The following ZNF732 variants were observed in gnomAD, a reference collection of about 807,000 sequenced individuals.
The protein encoded by ZNF732 is zinc finger protein 732, also known as zinc finger protein LOC654254.
ZNF732 carries 12 observed loss-of-function variants against 11.5 expected under a neutral mutation model. The ratio of observed to expected loss-of-function variants is 1.05; its 90% confidence interval spans 0.67 to 1.70. The LOEUF (loss-of-function observed/expected upper bound fraction) is 1.70, where lower values mean the gene tolerates loss of function less well. Ranked by LOEUF, ZNF732 falls within the 40% of genes most tolerant of loss-of-function variation. ZNF732 has a pLI of 0.00. For missense variants in ZNF732, 702 were observed against 676.9 expected (o/e 1.04, Z -0.41); for synonymous variants, 231 against 236.5 (o/e 0.98, Z 0.21).
At chr4:282,199 G>A (rs1581536778) in intron 3 of ZNF732, among the ~76,000 whole-genome samples, 1 of 152,206 alleles carries the variant, frequency 6.6e-6, no homozygotes, top group East Asian at 1.9e-4. Flanking sequence ...TTTGTTAATG[G>A]TATATAATAT....
chr4:299,490 T>A (rs544615084), intron 1 of ZNF732, among the ~76,000 whole-genome samples: 1 of 104,400 alleles, frequency 9.6e-6, no homozygotes, highest in Non-Finnish European at 1.9e-5. Flanking sequence ...TATACACATA[T>A]GTGTGTATAT....
chr4:295,349 G>T, intron 3 of ZNF732, 89 bp downstream of exon 3: 1 of 1,061,278 alleles, frequency 9.4e-7, no homozygotes, highest in Non-Finnish European at 1.3e-6. Context: ...CACTGGAGCA[G>T]AGCTTCCCAA....
chr4:279,017 T>A (rs1719561317), intron 3 of ZNF732, among the ~76,000 whole-genome samples: 1 of 152,200 alleles, frequency 6.6e-6, no homozygotes, highest in Non-Finnish European at 1.5e-5. Flanking sequence ...GGGATAAAGG[T>A]TGTTTACCCT....
intron 3 of ZNF732, 97 bp from the exon 4 acceptor site, chr4:272,727 A>C: frequency 8.5e-7 from 1 of 1,173,526 alleles, no homozygotes; most frequent in South Asian, 2.2e-5. Flanking sequence ...CATTAGTAAG[A>C]TGGCATAACA....
rs782415166 is a variant in ZNF732 at position 271,099 on chromosome 4, CTA to C, written c.1756_1757del (p.Ter586GlufsTer3). 13 of 1,495,710 alleles carry C rather than the reference CTA, an allele frequency of 8.7e-6. No individual in the cohort carries two copies. Among genetic ancestry groups the C allele is most frequent in the East Asian group, 4.9e-5 (2 of 41,174 alleles). The allele number at this position is 1,495,710 out of a possible 1,614,324, so 92.7% of individuals were successfully genotyped here. On this transcript the variant is annotated frameshift_variant and stop_lost, in exon 4 of 4. Coordinates refer to ENST00000419098, the MANE Select transcript of ZNF732 (RefSeq NM_001137608.3). LOFTEE classifies it high-confidence loss of function. The part of the protein sequence containing the change: ...HNKIYTGEKL[*>X] The stretch of plus-strand genomic sequence containing the variant: ...AGGCTTTGCCACATTCTTCATATTT[CTA>C]GAGTTTCTCTCCAGTATAAATTTTA...
At chr4:284,745 C>G (rs1719693677) in intron 3 of ZNF732, among the ~76,000 whole-genome samples, 1 of 151,356 alleles carries the variant, frequency 6.6e-6, no homozygotes, top group Non-Finnish European at 1.5e-5. Flanking sequence ...GTGGCGGGCA[C>G]TTGTAAACCC....
At position 305,438 on chromosome 4, in the gene ZNF732, T is replaced by C. The variant is rs192089946; in HGVS notation, c.-128A>G. ...TCCCTGAGGGGTGAAAGCACGGCCG[T>C]GGAGACCCTAACCGAGCTCACGCTG... On this transcript the variant is annotated 5_prime_UTR_variant, in exon 1 of 4. Transcript: ENST00000419098. 4.7e-4 allele frequency: 639 copies of C among 1,358,990 alleles called. 5 individuals are homozygous for C. In the African/African-American group the frequency reaches 8.3e-3, roughly 18 times the overall value. The allele number at this position is 1,358,990 out of a possible 1,614,324, so 84.2% of individuals were successfully genotyped here. A position where few individuals can be genotyped will look rare whatever the true frequency, so the allele number is the denominator to read the frequency against.
chr4:295,624 A>G, intron 2 of ZNF732, 91 bp from the exon 3 acceptor site: 1 of 1,112,150 alleles, frequency 9.0e-7, no homozygotes, highest in Non-Finnish European at 1.3e-6. Flanking sequence ...AAATTATGGA[A>G]GATCCTACAT....
At chr4:285,217 T>C (rs1164922144) in intron 3 of ZNF732, among the ~76,000 whole-genome samples, 1 of 152,000 alleles carries the variant, frequency 6.6e-6, no homozygotes, top group Non-Finnish European at 1.5e-5. Flanking sequence ...AAAGATGTTA[T>C]CAAGAACCCA....
At chr4:304,674 G>A (rs901052601) in intron 1 of ZNF732, among the ~76,000 whole-genome samples, 3 of 152,168 alleles carry the variant, frequency 2.0e-5, no homozygotes, top group South Asian at 2.1e-4. Context: ...CAATAATGTG[G>A]CAGAACTACT....
chr4:280,164 A>G (rs1327374358), intron 3 of ZNF732, among the ~76,000 whole-genome samples: 1 of 152,178 alleles, frequency 6.6e-6, no homozygotes, highest in Non-Finnish European at 1.5e-5. Flanking sequence ...ATTCTGACCT[A>G]TAAAATATAG....
At chr4:289,688 T>C (rs1431174060) in intron 3 of ZNF732, among the ~76,000 whole-genome samples, 1 of 152,214 alleles carries the variant, frequency 6.6e-6, no homozygotes, top group African/African-American at 2.4e-5. Context: ...TGTAGAAATT[T>C]CACTTTTAGA....
At position 272,675 on chromosome 4, in the gene ZNF732, G is replaced by T. The variant is rs142883220; in HGVS notation, c.227-45C>A. The T allele has an allele frequency of 2.6e-5, 37 of 1,411,376 alleles. 1 individual carries two copies. In the African/African-American group the frequency reaches 4.2e-4, roughly 16 times the overall value. The allele number at this position is 1,411,376 out of a possible 1,614,324, so 87.4% of individuals were successfully genotyped here. A position where few individuals can be genotyped will look rare whatever the true frequency, so the allele number is the denominator to read the frequency against. ...ATTATCCTGCTTACTAGATTCATAC[G>T]AATATACTTTAAAAATCTAATATAT... On this transcript the variant is annotated intron_variant, in intron 3 of 3. Transcript: ENST00000419098.
intron 3 of ZNF732, among the ~76,000 whole-genome samples, chr4:281,868 T>C (rs746582713): frequency 6.6e-6 from 1 of 151,952 alleles, no homozygotes; most frequent in Non-Finnish European, 1.5e-5. Context: ...AAAACACAGA[T>C]CTAAAAAATG....
Position 296,053 on chromosome 4 carries a change from T to C in ZNF732, c.106A>G (p.Asn36Asp). 1 of 1,613,748 alleles carries C rather than the reference T, an allele frequency of 6.2e-7. No homozygotes were observed. Among genetic ancestry groups the C allele is most frequent in the Non-Finnish European group, 8.5e-7 (1 of 1,179,844 alleles). ...QNLYRDVMLE[N>D]YRNLISLGVA... Reference sequence around the variant, plus strand: ...CCCAGGGAGATCAGGTTCCTGTAGTTCTCCAACATCACATCTCTATACAAA... The same window carrying C: ...CCCAGGGAGATCAGGTTCCTGTAGTCCTCCAACATCACATCTCTATACAAA... The change falls in exon 2 of 4, where the codon AAC becomes GAC. Residue 36 changes from asparagine to aspartate, a missense_variant. Physicochemically the swap from Asn to Asp is conservative, Grantham distance 23 (BLOSUM62 1). Coordinates refer to ENST00000419098, the MANE Select transcript of ZNF732 (RefSeq NM_001137608.3).
intron 3 of ZNF732, among the ~76,000 whole-genome samples, chr4:284,766 G>C (rs1167977251): frequency 4.6e-5 from 7 of 150,934 alleles, no homozygotes; most frequent in African/African-American, 1.7e-4. Context: ...AGCTACTCGG[G>C]AGGCTGAGGC....
At position 272,067 on chromosome 4, in the gene ZNF732, T is replaced by C. The variant is rs1553837754; in HGVS notation, c.790A>G (p.Thr264Ala). 6.2e-7 allele frequency: 1 copy of C among 1,611,008 alleles called. No homozygotes were observed. The highest frequency in any genetic ancestry group is 1.1e-5 in the South Asian group (1 of 90,800). ...ECGKAFNRSS[T>A]LTKHKRIHAE... ...TGAATTCTCTTATGCTTAGTAAGGGTTGAGGACCTATTAAAGGCTTTGCCA... is the reference window on the plus strand; with the variant it reads ...TGAATTCTCTTATGCTTAGTAAGGGCTGAGGACCTATTAAAGGCTTTGCCA... The change falls in exon 4 of 4, where the codon ACC becomes GCC. Residue 264 changes from threonine to alanine, a missense_variant. This residue lies in a region of ZNF732 where 596 missense variants were observed against 557.9 expected (regional missense o/e 1.07). Transcript: ENST00000419098.
At chr4:299,850 C>T (rs1416045359) in intron 1 of ZNF732, among the ~76,000 whole-genome samples, 1 of 147,208 alleles carries the variant, frequency 6.8e-6, no homozygotes, top group Non-Finnish European at 1.5e-5. Flanking sequence ...GCATGCGCCA[C>T]CATGCCGGCT....
At chr4:276,568 TCAA>T (rs1350958522) in intron 3 of ZNF732, among the ~76,000 whole-genome samples, 1 of 151,808 alleles carries the variant, frequency 6.6e-6, no homozygotes, top group East Asian at 1.9e-4. Context: ...TGCTTCTGCA[TCAA>T]CAATAAAAAA....
Sources: gnomAD v4.1 joint callset for allele counts (sites outside exome capture counted in the v4.1 genomes callset) on GRCh38, gnomAD v4.1.1 for gene constraint, gnomAD v4.1.1 regional missense constraint, MANE v1.5 for transcripts, NCBI Gene and HGNC (gene_info 2026-07-23, HGNC 2026-07-21) for gene names.